MSRA: variants seen among roughly 807,000 people sequenced by gnomAD.
The protein encoded by MSRA is mitochondrial peptide methionine sulfoxide reductase.
A neutral mutation model predicts 31.3 loss-of-function variants in MSRA; 54 were observed. The ratio of observed to expected loss-of-function variants is 1.73; its 90% confidence interval spans 1.39 to 2.17. The LOEUF is 2.17. Ranked by LOEUF, MSRA falls within the 30% of genes most tolerant of loss-of-function variation. The pLI, the probability that MSRA is intolerant of heterozygous loss-of-function variation, is 0.00. For missense variants in MSRA, 507 were observed against 300.9 expected (o/e 1.69, Z -5.07); for synonymous variants, 169 against 116.5 (o/e 1.45, Z -2.90).
intron 3 of MSRA, among the ~76,000 whole-genome samples, chr8:10,280,752 A>C (rs1054808637): frequency 6.6e-6 from 1 of 152,242 alleles, no homozygotes; most frequent in African/African-American, 2.4e-5. Context: ...GACTATTCAT[A>C]ATAGCCATAA....
intron 5 of MSRA, among the ~76,000 whole-genome samples, chr8:10,408,119 C>A (rs1254549161): frequency 6.6e-6 from 1 of 152,182 alleles, no homozygotes; most frequent in African/African-American, 2.4e-5. Context: ...AGAACTGGCT[C>A]ACTGTCTGGA....
At chr8:10,291,821 C>T (rs28398009) in intron 3 of MSRA, among the ~76,000 whole-genome samples, 1 of 152,124 alleles carries the variant, frequency 6.6e-6, no homozygotes, top group African/African-American at 2.4e-5. Context: ...GTCTCCCTCT[C>T]CCCTCCATCT....
At chr8:10,219,008 G>C (rs971727547) in intron 2 of MSRA, among the ~76,000 whole-genome samples, 1 of 152,122 alleles carries the variant, frequency 6.6e-6, no homozygotes, top group Non-Finnish European at 1.5e-5. Flanking sequence ...GTGACCAGGG[G>C]ATGTGCTGCA....
chr8:10,123,477 C>G (rs1801273971), intron 1 of MSRA, among the ~76,000 whole-genome samples: 1 of 152,164 alleles, frequency 6.6e-6, no homozygotes, highest in Admixed American at 6.6e-5. Context: ...TGTCTGTTTA[C>G]TCTGTTGATA....
chr8:10,340,334 G>A (rs1033321551), intron 5 of MSRA, among the ~76,000 whole-genome samples: 13 of 152,120 alleles, frequency 8.5e-5, no homozygotes, highest in South Asian at 4.1e-4. Context: ...CGAATTCCAC[G>A]TATGGTGGCA....
Position 10,245,144 on chromosome 8 carries a change from C to G in MSRA, c.252C>G (p.Val84=), listed in dbSNP as rs759130357. 1 of 1,612,654 alleles carries G rather than the reference C, an allele frequency of 6.2e-7. No individual in the cohort carries two copies. Among genetic ancestry groups the G allele is most frequent in the Non-Finnish European group, 8.5e-7 (1 of 1,179,658 alleles). ...GGGGAGCTGAAAGGAAATTCTGGGT[C>G]TTGAAAGGAGTGTATTCAACTCAAG... is the stretch of plus-strand genomic sequence containing the variant. The part of the protein sequence containing the change: ...CFWGAERKFW[V]LKGVYSTQVG... The change falls in exon 3 of 6, where the codon GTC becomes GTG. Residue 84 remains valine (V), a synonymous_variant. Coordinates refer to ENST00000317173, the MANE Select transcript of MSRA (RefSeq NM_012331.5).
At chr8:10,085,065 C>T (rs1019820792) in intron 1 of MSRA, among the ~76,000 whole-genome samples, 5 of 152,030 alleles carry the variant, frequency 3.3e-5, no homozygotes, top group Admixed American at 6.6e-5. Flanking sequence ...TGGCAAAAAT[C>T]GTGAACACAG....
chr8:10,144,119 G>T (rs1216264036), intron 1 of MSRA, among the ~76,000 whole-genome samples: 1 of 152,156 alleles, frequency 6.6e-6, no homozygotes, highest in African/African-American at 2.4e-5. Flanking sequence ...AGCAGGGCCG[G>T]ATCGCCACCA....
rs141925898 is a variant in MSRA, at chr8:10,241,074, C to G, written c.212-4030C>G. Among the ~76,000 whole-genome samples the G allele has an allele frequency of 7.9e-3, 1,197 of 152,228 alleles. 18 individuals carry two copies. The highest frequency in any genetic ancestry group is 0.028 in the African/African-American group (1,151 of 41,536). Reference sequence around the variant, plus strand: ...GGCTGTAGCCCCTTGACCTTATAATCTGGTGGGTCTGATGGGACTTACCTT... The same window carrying G: ...GGCTGTAGCCCCTTGACCTTATAATGTGGTGGGTCTGATGGGACTTACCTT... On this transcript the variant is annotated intron_variant, in intron 2 of 5. Transcript: ENST00000317173.
At chr8:10,095,449 T>G in intron 1 of MSRA, 1 of 984,954 alleles carries the variant, frequency 1.0e-6, no homozygotes, top group South Asian at 4.7e-5. Flanking sequence ...AATGTATTAA[T>G]TGATCCGCAA....
At chr8:10,176,179 T>C (rs1806034195) in intron 1 of MSRA, among the ~76,000 whole-genome samples, 1 of 152,202 alleles carries the variant, frequency 6.6e-6, no homozygotes, top group Non-Finnish European at 1.5e-5. Flanking sequence ...CTTTGCCATA[T>C]GTTAAAATGT....
chr8:10,413,021 A>G (rs1365312791), intron 5 of MSRA, among the ~76,000 whole-genome samples: 5 of 152,238 alleles, frequency 3.3e-5, no homozygotes, highest in South Asian at 4.1e-4. Context: ...CCCATTCCCA[A>G]ATGTTTACAG....
intron 1 of MSRA, among the ~76,000 whole-genome samples, chr8:10,175,715 A>G (rs1029870077): frequency 2.2e-4 from 33 of 152,230 alleles, no homozygotes; most frequent in African/African-American, 8.0e-4. Context: ...GTTTGGTAGC[A>G]TTTCCATCCA....
chr8:10,283,822 TATATATATATATATACAC>T (rs1424625615), intron 3 of MSRA, among the ~76,000 whole-genome samples: 15 of 72,302 alleles, frequency 2.1e-4, no homozygotes, highest in Admixed American at 3.5e-4. Flanking sequence ...TATATATATA[TATATATATATATATACAC>T]ACACACACAC....
At chr8:10,199,324 G>C (rs1028703323) in intron 1 of MSRA, among the ~76,000 whole-genome samples, 6 of 152,062 alleles carry the variant, frequency 3.9e-5, no homozygotes, top group African/African-American at 1.4e-4. Flanking sequence ...TTTTTTGTTT[G>C]TTTGTTTGTT....
intron 5 of MSRA, among the ~76,000 whole-genome samples, chr8:10,389,764 C>CT (rs34986609): frequency 0.42 from 48,984 of 117,972 alleles, 10,840 homozygotes; most frequent in Non-Finnish European, 0.52. Context: ...TTTTTAAAGT[C>CT]TTTTTTTTTT....
chr8:10,116,299 T>C (rs2129015913), intron 1 of MSRA, among the ~76,000 whole-genome samples: 1 of 152,374 alleles, frequency 6.6e-6, no homozygotes, highest in South Asian at 2.1e-4. Flanking sequence ...TAGTGTATTT[T>C]ATATGTGGCC....
At chr8:10,222,213 A>T (rs527811489) in intron 2 of MSRA, among the ~76,000 whole-genome samples, 1 of 152,044 alleles carries the variant, frequency 6.6e-6, no homozygotes, top group African/African-American at 2.4e-5. Context: ...GAACGTAACT[A>T]CTTTTAATAA....
chr8:10,382,841 G>C (rs1403091035), intron 5 of MSRA, among the ~76,000 whole-genome samples: 1 of 152,174 alleles, frequency 6.6e-6, no homozygotes, highest in African/African-American at 2.4e-5. Flanking sequence ...AAATCACCCA[G>C]TCTCTGCCCC....
Sources: allele counts gnomAD v4.1 joint callset (sites outside exome capture counted in the v4.1 genomes callset), GRCh38; gene constraint gnomAD v4.1.1; transcripts MANE v1.5; gene names NCBI Gene and HGNC (gene_info 2026-07-23, HGNC 2026-07-21).